The following CFAP58 variants were observed in gnomAD, a reference collection of about 807,000 sequenced individuals.
CFAP58 encodes cilia and flagella associated protein 58.
In CFAP58, 88 loss-of-function variants were observed where a neutral mutation model predicts 119.5. The observed-to-expected ratio is 0.74, with a 90% CI of 0.62 to 0.88. The LOEUF is 0.88. Among genes scored for constraint, CFAP58 ranks in the 40% least tolerant of loss-of-function variants. The probability of loss-of-function intolerance (pLI) is 0.00; values close to 1 mark genes in which losing one functional copy is unlikely to be tolerated. For synonymous variants in CFAP58, 365 were observed against 366.3 expected (o/e 1.00, Z 0.04); for missense variants, 990 against 1,021.2 (o/e 0.97, Z 0.42).
intron 8 of CFAP58, among the ~76,000 whole-genome samples, 185 bp downstream of exon 8, chr10:104,377,078 A>G (rs2011684906): frequency 6.6e-6 from 1 of 152,226 alleles, no homozygotes; most frequent in Admixed American, 6.5e-5. Flanking sequence ...CATGAATTGC[A>G]ATTGCGTTAT....
Position 104,454,426 on chromosome 10 carries a change from A to C in CFAP58, c.2515A>C (p.Lys839Gln). The C allele has an allele frequency of 6.2e-7, 1 of 1,612,414 alleles. No homozygotes were observed. Among genetic ancestry groups the C allele is most frequent in the Non-Finnish European group, 8.5e-7 (1 of 1,178,702 alleles). The change falls in exon 18 of 18, where the codon AAG (lysine) becomes CAG (glutamine). Residue 839 changes from lysine (K) to glutamine (Q), a missense_variant. Physicochemically the swap from Lys to Gln is moderately conservative, Grantham distance 53. Coordinates refer to ENST00000369704, the MANE Select transcript of CFAP58 (RefSeq NM_001008723.2). ...QKRKEQLQKN[K>Q]DTAPMDNTFL... Reference sequence around the variant, plus strand: ...CTTTCACCTCCTCTCTTACAGAAACAAGGACACAGCACCCATGGATAACAC... The same window carrying C: ...CTTTCACCTCCTCTCTTACAGAAACCAGGACACAGCACCCATGGATAACAC...
At chr10:104,353,075 C>T (rs2014483440), upstream of CFAP58, 1 of 152,118 alleles carries the variant, frequency 6.6e-6, no homozygotes, top group Non-Finnish European at 1.5e-5. Context: ...GAGTCTTACA[C>T]ATTTCATGAA....
intron 1 of CFAP58, 117 bp downstream of exon 1, chr10:104,354,023 C>A: frequency 7.8e-7 from 1 of 1,279,718 alleles, no homozygotes; most frequent in South Asian, 1.3e-5. Context: ...CATCTTATTC[C>A]CCTGCACCCT....
Position 104,354,355 on chromosome 10 carries a change from A to C in CFAP58, c.9+449A>C, listed in dbSNP as rs111473590. Among the ~76,000 whole-genome samples, 234 of 152,056 alleles carry C rather than the reference A, an allele frequency of 1.5e-3. 1 individual carries two copies. The highest frequency in any genetic ancestry group is 5.5e-3 in the African/African-American group (227 of 41,468). ...ACCTGTCACACCCTGATTTCCTAAC[A>C]TGTGATCACCTGCTGTCACACAGCT... On this transcript the variant is annotated intron_variant, in intron 1 of 17. Transcript: ENST00000369704.
chr10:104,375,952 C>T (rs1456852937), intron 7 of CFAP58, among the ~76,000 whole-genome samples: 1 of 152,026 alleles, frequency 6.6e-6, no homozygotes, highest in Non-Finnish European at 1.5e-5. Flanking sequence ...AGATAGCAGA[C>T]TTCAGGGACA....
upstream of CFAP58, chr10:104,351,496 G>A (rs997504302): frequency 2.0e-5 from 3 of 152,158 alleles, no homozygotes; most frequent in East Asian, 5.8e-4. Context: ...AAACCTTGTG[G>A]TACTGACACA....
chr10:104,368,179 C>T (rs1412525806), intron 5 of CFAP58, among the ~76,000 whole-genome samples: 3 of 152,224 alleles, frequency 2.0e-5, no homozygotes, highest in Non-Finnish European at 4.4e-5. Flanking sequence ...CTTCCCAAGG[C>T]TCTCAGAAAA....
At chr10:104,357,838 C>CACATATATACACATATATGT (rs2014571896) in intron 1 of CFAP58, among the ~76,000 whole-genome samples, 1 of 71,934 alleles carries the variant, frequency 1.4e-5, no homozygotes, top group African/African-American at 7.0e-5. Context: ...CATATATGTA[C>CACATATATACACATATATGT]ACATATGTAC....
At position 104,384,557 on chromosome 10, in the gene CFAP58, G is replaced by A. The variant is rs149305655; in HGVS notation, c.1365+4337G>A. Among the ~76,000 whole-genome samples the A allele has an allele frequency of 7.2e-5, 11 of 152,328 alleles. No homozygotes were observed. In the East Asian group the frequency reaches 2.1e-3, roughly 29 times the overall value. On this transcript the variant is annotated intron_variant, in intron 9 of 17. Transcript: ENST00000369704. ...ACGGTAAAGGTCTGGCTCTGAAAAT[G>A]CTTCTATGGCAAGAACTTTAGGTTG...
At chr10:104,345,719 T>G in the CFAP58 span, among the ~76,000 whole-genome samples, 1 of 152,036 alleles carries the variant, frequency 6.6e-6, no homozygotes, top group Admixed American at 6.5e-5. Context: ...TGGGTAAGAT[T>G]TTTTGGATGA....
At chr10:104,343,852 C>G in the CFAP58 span, among the ~76,000 whole-genome samples, 8 of 152,308 alleles carry the variant, frequency 5.3e-5, no homozygotes, top group African/African-American at 1.9e-4. Context: ...AATCAATTCT[C>G]CTGCCTCAGC....
chr10:104,355,214 G>A (rs1184530558), intron 1 of CFAP58, among the ~76,000 whole-genome samples: 1 of 151,826 alleles, frequency 6.6e-6, no homozygotes, highest in Admixed American at 6.6e-5. Context: ...TCCCATTATT[G>A]CTTTTGAGTG....
chr10:104,390,155 G>A (rs11192034), intron 9 of CFAP58, among the ~76,000 whole-genome samples: 24,421 of 152,220 alleles, frequency 0.16, 2,113 homozygotes, highest in Middle Eastern at 0.32. Flanking sequence ...AAATGCACAA[G>A]TGCATGAGAA....
rs1056840068 is a variant in CFAP58 at position 104,409,434 on chromosome 10, G to A, written c.2256+2641G>A. ...TAAGTGGTCAGTTTTTATACCTGAC[G>A]CCTGCTGTTTGAAAAACATACATAC... On this transcript the variant is annotated intron_variant, in intron 15 of 17. Coordinates refer to ENST00000369704, the MANE Select transcript of CFAP58 (RefSeq NM_001008723.2). Among the ~76,000 whole-genome samples the A allele has an allele frequency of 2.6e-5, 4 of 152,004 alleles. No homozygotes were observed. The East Asian group carries it at 5.8e-4, about 22-fold the overall frequency.
chr10:104,412,008 C>CA (rs1296008280), intron 15 of CFAP58, among the ~76,000 whole-genome samples: 1 of 152,134 alleles, frequency 6.6e-6, no homozygotes, highest in East Asian at 1.9e-4. Context: ...GGGAGAGCTG[C>CA]AATATATATC....
intron 15 of CFAP58, among the ~76,000 whole-genome samples, chr10:104,418,148 C>T (rs1457786616): frequency 6.6e-6 from 1 of 152,238 alleles, no homozygotes; most frequent in Non-Finnish European, 1.5e-5. Context: ...TTCTGTGCTA[C>T]AGCAGCACAG....
chr10:104,413,969 A>C (rs12250034), intron 15 of CFAP58, among the ~76,000 whole-genome samples: 25,633 of 152,092 alleles, frequency 0.17, 2,234 homozygotes, highest in Middle Eastern at 0.33. Context: ...AATGCACTTA[A>C]CCTCATGGCC....
At chr10:104,422,477 T>C (rs2133069055) in intron 15 of CFAP58, among the ~76,000 whole-genome samples, 1 of 152,314 alleles carries the variant, frequency 6.6e-6, no homozygotes, top group East Asian at 1.9e-4. Context: ...TTATTAGGTG[T>C]TGATTCTGTC....
chr10:104,450,065 T>C lies in CFAP58; in HGVS notation c.2377-6T>C, dbSNP rs989289656. 1 of 1,588,386 alleles carries C rather than the reference T, an allele frequency of 6.3e-7. No homozygotes were observed. ...TTTGTTAATGCTGCTTTATTTGCCATGTTAGGTTTTGTCTTCAGAATTGAA... is the reference window on the plus strand; with the variant it reads ...TTTGTTAATGCTGCTTTATTTGCCACGTTAGGTTTTGTCTTCAGAATTGAA... On this transcript the variant is annotated splice_polypyrimidine_tract_variant and splice_region_variant and intron_variant, in intron 16 of 17. Coordinates refer to ENST00000369704, the MANE Select transcript of CFAP58 (RefSeq NM_001008723.2).
Sources: allele counts gnomAD v4.1 joint callset (sites outside exome capture counted in the v4.1 genomes callset), GRCh38; gene constraint gnomAD v4.1.1; transcripts MANE v1.5; gene names NCBI Gene and HGNC (gene_info 2026-07-23, HGNC 2026-07-21).